The following LPP variants were observed in gnomAD, a reference collection of about 807,000 sequenced individuals.
LPP encodes lipoma-preferred partner.
LPP carries 38 observed loss-of-function variants against 60.4 expected under a neutral mutation model. That is an observed-to-expected ratio of 0.63 (90% confidence interval 0.49 to 0.83). The LOEUF (loss-of-function observed/expected upper bound fraction) is 0.83. LPP is among the 40% of genes least tolerant of loss of function. The pLI is 0.00. For synonymous variants in LPP, 328 were observed against 290.8 expected (o/e 1.13, Z -1.30); for missense variants, 902 against 783.6 (o/e 1.15, Z -1.80).
chr3:188,890,238 A>G lies in LPP; in HGVS notation c.*15759A>G, dbSNP rs143646241. 5.2e-4 allele frequency: 112 copies of G among 216,298 alleles called. No individual in the cohort carries two copies. The highest frequency in any genetic ancestry group is 2.2e-3 in the African/African-American group (100 of 44,568). 13.4% of individuals were successfully genotyped at this position (216,298 alleles called of 1,614,324 possible). ...GTGATGAGCTGCTAGTCTGAATAAC[A>G]TTCCCTGACTTAGGGAAAGGCACAC... On this transcript the variant is annotated 3_prime_UTR_variant, in exon 12 of 12. Coordinates refer to ENST00000617246, the MANE Select transcript of LPP (RefSeq NM_001375462.1).
In LPP at chr3:188,368,230, T is replaced by C. The variant is rs116061335; in HGVS notation, c.-10+26511T>C. Among the ~76,000 whole-genome samples, 954 of 152,320 alleles carry C rather than the reference T, an allele frequency of 6.3e-3. 8 individuals carry two copies. Among genetic ancestry groups the C allele is most frequent in the African/African-American group, 0.021 (890 of 41,568 alleles). On this transcript the variant is annotated intron_variant, in intron 3 of 11. Transcript: ENST00000617246. Reference sequence around the variant, plus strand: ...AATAGCTTGTTTTTAAGCAAAACTTTGTTGGCTTCTGGTGGTACACTTTTT... The same window carrying C: ...AATAGCTTGTTTTTAAGCAAAACTTCGTTGGCTTCTGGTGGTACACTTTTT...
At chr3:188,330,509 C>A (rs562787327) in intron 2 of LPP, among the ~76,000 whole-genome samples, 2 of 152,118 alleles carry the variant, frequency 1.3e-5, no homozygotes, top group Non-Finnish European at 2.9e-5. Flanking sequence ...ATTCTTCTTT[C>A]ATGTCTTTCT....
chr3:188,216,615 C>T (rs1713731395), intron 1 of LPP, among the ~76,000 whole-genome samples: 1 of 152,120 alleles, frequency 6.6e-6, no homozygotes, highest in South Asian at 2.1e-4. Context: ...AATGCCCTGC[C>T]CCTTTCTGAG....
At position 188,572,068 on chromosome 3, in the gene LPP, G is replaced by T. The variant is rs1164853821; in HGVS notation, c.430-37093G>T. ...TATTAAGACTCTTGATGGCCCAGAG[G>T]TCAGTATAATGAGGAAAACATAGAA... On this transcript the variant is annotated intron_variant, in intron 6 of 11. Transcript: ENST00000617246. The surrounding 1 kb of genome is among the most constrained non-coding windows in gnomAD (Gnocchi z 4.1). 6.6e-6 allele frequency among the ~76,000 whole-genome samples: 1 copy of T among 152,004 alleles called. No homozygotes were observed. The highest frequency in any genetic ancestry group is 1.5e-5 in the Non-Finnish European group (1 of 67,980).
intron 9 of LPP, among the ~76,000 whole-genome samples, chr3:188,822,196 G>A (rs1754164832): frequency 6.6e-6 from 1 of 152,082 alleles, no homozygotes; most frequent in Admixed American, 6.6e-5. Context: ...AGGAAGAACA[G>A]GGAGGTCATT....
chr3:188,738,794 G>A (rs898596778), intron 8 of LPP, among the ~76,000 whole-genome samples: 1 of 152,080 alleles, frequency 6.6e-6, no homozygotes, highest in Non-Finnish European at 1.5e-5. Context: ...TCAGCAAGAT[G>A]TAATTTCTAT....
intron 7 of LPP, among the ~76,000 whole-genome samples, chr3:188,668,783 G>C (rs1856344093): frequency 6.6e-6 from 1 of 152,146 alleles, no homozygotes; most frequent in Non-Finnish European, 1.5e-5. Context: ...AAAAATATCA[G>C]GAGCAGCAGT....
intron 6 of LPP, chr3:188,553,928 A>C (rs898276483): frequency 6.6e-5 from 10 of 152,196 alleles, no homozygotes; most frequent in Non-Finnish European, 1.3e-4. Context: ...ACTATATCTG[A>C]TCACAGAAAT....
chr3:188,744,771 T>C (rs1327652658), intron 8 of LPP, among the ~76,000 whole-genome samples: 1 of 152,178 alleles, frequency 6.6e-6, no homozygotes, highest in Non-Finnish European at 1.5e-5. Flanking sequence ...GTATATATGG[T>C]CATCCCATTT....
intron 4 of LPP, among the ~76,000 whole-genome samples, chr3:188,438,400 C>G (rs950552799): frequency 1.5e-4 from 22 of 148,280 alleles, no homozygotes; most frequent in Non-Finnish European, 2.7e-4. Context: ...CACACACACA[C>G]AGTCTCATTT....
chr3:188,831,286 C>T (rs1368374216), intron 9 of LPP, among the ~76,000 whole-genome samples: 1 of 152,178 alleles, frequency 6.6e-6, no homozygotes, highest in Admixed American at 6.5e-5. Context: ...CTGAGAGCAG[C>T]GTGGTCATAC....
chr3:188,831,380 A>G (rs1757099140), intron 9 of LPP, among the ~76,000 whole-genome samples: 1 of 152,158 alleles, frequency 6.6e-6, no homozygotes, highest in Non-Finnish European at 1.5e-5. Flanking sequence ...GGAGTCTCCT[A>G]GGAGTAGTTG....
At chr3:188,155,851 T>G (rs1716187219) in intron 1 of LPP, among the ~76,000 whole-genome samples, 1 of 151,996 alleles carries the variant, frequency 6.6e-6, no homozygotes, top group Admixed American at 6.5e-5. Context: ...CTGTCTCTAC[T>G]AAAAATACAA....
At chr3:188,551,552 A>G (rs966956458) in intron 6 of LPP, among the ~76,000 whole-genome samples, 3 of 152,218 alleles carry the variant, frequency 2.0e-5, no homozygotes, top group Admixed American at 6.5e-5. Flanking sequence ...ATAATCACCC[A>G]TCTGTAAAAT....
At position 188,687,766 on chromosome 3, in the gene LPP, T is replaced by C. The variant is rs925857043; in HGVS notation, c.1114-20501T>C. Among the ~76,000 whole-genome samples, 9 of 147,036 alleles carry C rather than the reference T, an allele frequency of 6.1e-5. No individual in the cohort carries two copies. The South Asian group carries it at 8.4e-4, about 14-fold the overall frequency. ...CCATGTCATCCTGTCTAACCAGCTG[T>C]CTTATACTCTTTTTTTTTTTTTTTT... On this transcript the variant is annotated intron_variant, in intron 7 of 11. Transcript: ENST00000617246.
chr3:188,779,645 T>C (rs1738993607), intron 9 of LPP, among the ~76,000 whole-genome samples: 1 of 151,910 alleles, frequency 6.6e-6, no homozygotes, highest in Admixed American at 6.6e-5. Context: ...AAAAAATGGA[T>C]GCCATTTTTT....
chr3:188,384,144 G>T (rs959964114), intron 3 of LPP, among the ~76,000 whole-genome samples: 5 of 152,110 alleles, frequency 3.3e-5, no homozygotes, highest in Non-Finnish European at 7.4e-5. Flanking sequence ...ATGTGTCTTT[G>T]ACGAAGTTTA....
chr3:188,747,196 G>T (rs1017150388), intron 8 of LPP, among the ~76,000 whole-genome samples: 1 of 152,118 alleles, frequency 6.6e-6, no homozygotes, highest in African/African-American at 2.4e-5. Context: ...TTCCTATAAT[G>T]CTTTCCATGC....
intron 9 of LPP, among the ~76,000 whole-genome samples, chr3:188,799,557 A>G (rs1488945861): frequency 6.6e-6 from 1 of 152,154 alleles, no homozygotes; most frequent in East Asian, 1.9e-4. Context: ...TCGTTACTAA[A>G]TCTTTTTTTA....
Sources: gnomAD v4.1 joint callset for allele counts (sites outside exome capture counted in the v4.1 genomes callset) on GRCh38, gnomAD v4.1.1 for gene constraint, Gnocchi (gnomAD v3.1) non-coding constraint, MANE v1.5 for transcripts, NCBI Gene and HGNC (gene_info 2026-07-23, HGNC 2026-07-21) for gene names.